MARK2: variants seen among roughly 807,000 people sequenced by gnomAD.
MARK2 encodes microtubule affinity regulating kinase 2, also known as serine/threonine-protein kinase MARK2.
In MARK2, 16 loss-of-function variants were observed where a neutral mutation model predicts 89.8. That is an observed-to-expected ratio of 0.18 (90% confidence interval 0.12 to 0.27). MARK2 has a LOEUF of 0.27. MARK2 is among the 10% of genes least tolerant of loss of function. The pLI, the probability that MARK2 is intolerant of heterozygous loss-of-function variation, is 1.00. For synonymous variants in MARK2, 382 were observed against 399.5 expected (o/e 0.96, Z 0.52); for missense variants, 621 against 1,049.9 (o/e 0.59, Z 5.65).
At position 63,902,353 on chromosome 11, in the gene MARK2, G is replaced by T; in HGVS notation, c.1234+23G>T. 1 of 1,613,584 alleles carries T rather than the reference G, an allele frequency of 6.2e-7. No homozygotes were observed. On this transcript the variant is annotated intron_variant, in intron 12 of 18. Coordinates refer to ENST00000402010, the MANE Select transcript of MARK2 (RefSeq NM_001039469.3). The surrounding 1 kb of genome is among the most constrained non-coding windows in gnomAD (Gnocchi z 4.2). ...AGGGTAAATGCTTTTGGGAGTTGTA[G>T]GTGGGGACTCACCCCTCTCCAGAGA...
intron 1 of MARK2, among the ~76,000 whole-genome samples, chr11:63,871,963 T>G (rs1938476936): frequency 6.6e-6 from 1 of 152,244 alleles, no homozygotes; most frequent in African/African-American, 2.4e-5. Context: ...AAGGGCTGGC[T>G]GAGGGCACTG....
chr11:63,868,449 T>C, intron 1 of MARK2: 1 of 211,106 alleles, frequency 4.7e-6, no homozygotes, highest in South Asian at 8.1e-5. Flanking sequence ...TCTTTGGCTG[T>C]GTAAGTCACA....
intron 1 of MARK2, among the ~76,000 whole-genome samples, chr11:63,871,359 G>A (rs1265635976): frequency 6.6e-6 from 1 of 151,652 alleles, no homozygotes; most frequent in Non-Finnish European, 1.5e-5. Flanking sequence ...GTGTGCAGGT[G>A]TGGCTGAAGA....
intron 1 of MARK2, among the ~76,000 whole-genome samples, chr11:63,866,976 A>G (rs766614696): frequency 1.3e-5 from 2 of 152,102 alleles, no homozygotes; most frequent in Non-Finnish European, 2.9e-5. Context: ...CCTCCCTGCT[A>G]TCTTCCTGAA....
chr11:63,900,747 C>T lies in MARK2; in HGVS notation c.889-33C>T, dbSNP rs200569316. The T allele has an allele frequency of 2.0e-5, 33 of 1,613,624 alleles. No homozygotes were observed. In the Admixed American group the frequency reaches 2.7e-4, roughly 13 times the overall value. On this transcript the variant is annotated intron_variant, in intron 9 of 18. Coordinates refer to ENST00000402010, the MANE Select transcript of MARK2 (RefSeq NM_001039469.3). The surrounding 1 kb of genome is among the most constrained non-coding windows in gnomAD (Gnocchi z 4.7). ...CAGAAACTTTCCAGCTGAGTTTCTTCCCCCTGCCCTTTTCCTTCTCTGTGC... is the reference window on the plus strand; with the variant it reads ...CAGAAACTTTCCAGCTGAGTTTCTTTCCCCTGCCCTTTTCCTTCTCTGTGC...
rs148453696 is a variant in MARK2 at position 63,897,527 on chromosome 11, G to A, written c.289-705G>A. Among the ~76,000 whole-genome samples, 476 of 152,336 alleles carry A rather than the reference G, an allele frequency of 3.1e-3. 4 individuals are homozygous for A. Among genetic ancestry groups the A allele is most frequent in the Non-Finnish European group, 3.2e-3 (219 of 68,038 alleles). ...AAAACTAGTTCTGTTCTTTGTGCAAGTGATGAGGCCTGAAATTACAAAAAG... is the reference window on the plus strand; with the variant it reads ...AAAACTAGTTCTGTTCTTTGTGCAAATGATGAGGCCTGAAATTACAAAAAG... On this transcript the variant is annotated intron_variant, in intron 3 of 18. Transcript: ENST00000402010.
chr11:63,856,740 C>T (rs903113995), intron 1 of MARK2, among the ~76,000 whole-genome samples: 2 of 119,708 alleles, frequency 1.7e-5, no homozygotes, highest in African/African-American at 6.0e-5. Context: ...TTATTTTTCT[C>T]ATTTTTTTCC....
At position 63,865,269 on chromosome 11, in the gene MARK2, C is replaced by T. The variant is rs1429435807; in HGVS notation, c.54+25709C>T. 1.3e-5 allele frequency among the ~76,000 whole-genome samples: 2 copies of T among 151,956 alleles called. 1 individual carries two copies. The highest frequency in any genetic ancestry group is 4.1e-4 in the South Asian group (2 of 4,826). Reference sequence around the variant, plus strand: ...TGTTTGTTTGTTTGAGACAGAGTCTCACTCTGTCACCTCAGCTGGAGTGCA... The same window carrying T: ...TGTTTGTTTGTTTGAGACAGAGTCTTACTCTGTCACCTCAGCTGGAGTGCA... On this transcript the variant is annotated intron_variant, in intron 1 of 18. Coordinates refer to ENST00000402010, the MANE Select transcript of MARK2 (RefSeq NM_001039469.3).
intron 1 of MARK2, among the ~76,000 whole-genome samples, chr11:63,876,640 C>T (rs1053786436): frequency 5.9e-5 from 9 of 152,150 alleles, no homozygotes; most frequent in South Asian, 2.1e-4. Flanking sequence ...TCGTTTATGC[C>T]GCCATTCCTA....
intron 4 of MARK2, 22 bp downstream of exon 4, chr11:63,898,302 T>G: frequency 6.2e-7 from 1 of 1,609,698 alleles, no homozygotes; most frequent in Non-Finnish European, 8.5e-7. Context: ...TTGTTATTTC[T>G]TTCTTCTTCC....
intron 1 of MARK2, among the ~76,000 whole-genome samples, chr11:63,859,242 T>G (rs1937613336): frequency 6.6e-6 from 1 of 152,090 alleles, no homozygotes; most frequent in Admixed American, 6.6e-5. Context: ...ATTCCCTGGG[T>G]GGCTTGAGAC....
intron 1 of MARK2, among the ~76,000 whole-genome samples, chr11:63,854,178 TATTA>T (rs2016719016): frequency 7.0e-5 from 8 of 113,726 alleles, no homozygotes; most frequent in Admixed American, 4.2e-4. Flanking sequence ...TGGCCAAGAC[TATTA>T]ATTCTGTGTG....
intron 1 of MARK2, chr11:63,890,346 A>G: frequency 1.7e-6 from 2 of 1,152,634 alleles, no homozygotes; most frequent in Non-Finnish European, 2.3e-6. Context: ...TGGATGGTTC[A>G]GTCCCGAAAA....
chr11:63,889,623 C>G (rs1939673017), intron 1 of MARK2, among the ~76,000 whole-genome samples: 2 of 152,256 alleles, frequency 1.3e-5, no homozygotes, highest in Non-Finnish European at 2.9e-5. Context: ...CCAGTGGATG[C>G]AAAACTATCT....
intron 1 of MARK2, among the ~76,000 whole-genome samples, chr11:63,865,830 A>T (rs1938099117): frequency 1.3e-5 from 2 of 152,112 alleles, no homozygotes. Context: ...TTTTGGAGAG[A>T]TGAAGTTCTG....
chr11:63,876,481 G>T (rs1238445718), intron 1 of MARK2, among the ~76,000 whole-genome samples: 1 of 152,212 alleles, frequency 6.6e-6, no homozygotes, highest in East Asian at 1.9e-4. Context: ...TCAAGACTTG[G>T]TAGGGACCCC....
chr11:63,848,227 G>A (rs534918846), intron 1 of MARK2, among the ~76,000 whole-genome samples: 21 of 152,300 alleles, frequency 1.4e-4, no homozygotes, highest in African/African-American at 4.6e-4. Flanking sequence ...ACTACCTGCT[G>A]ACAGAGCTCC....
At position 63,873,780 on chromosome 11, in the gene MARK2, A is replaced by G. The variant is rs531461409; in HGVS notation, c.55-21379A>G. Among the ~76,000 whole-genome samples, 279 of 152,230 alleles carry G rather than the reference A, an allele frequency of 1.8e-3. 1 individual carries two copies. The highest frequency in any genetic ancestry group is 2.1e-3 in the South Asian group (10 of 4,820). ...TCTGCCTCAGCCTCCCGAGTAGCTG[A>G]GACTGCAGGCATGCGCCACCACGCC... On this transcript the variant is annotated intron_variant, in intron 1 of 18. Coordinates refer to ENST00000402010, the MANE Select transcript of MARK2 (RefSeq NM_001039469.3).
At chr11:63,891,978 A>G (rs920285980) in intron 1 of MARK2, among the ~76,000 whole-genome samples, 23 of 152,202 alleles carry the variant, frequency 1.5e-4, no homozygotes, top group Admixed American at 5.2e-4. Context: ...TTTGGAAGGG[A>G]AAAAAGCAGG....
Sources: gnomAD v4.1 joint callset for allele counts (sites outside exome capture counted in the v4.1 genomes callset) on GRCh38, gnomAD v4.1.1 for gene constraint, Gnocchi (gnomAD v3.1) non-coding constraint, MANE v1.5 for transcripts, NCBI Gene and HGNC (gene_info 2026-07-23, HGNC 2026-07-21) for gene names.